The following CERK variants were observed in gnomAD, a reference collection of about 807,000 sequenced individuals.
The protein encoded by CERK is acylsphingosine kinase.
In CERK, 39 loss-of-function variants were observed where a neutral mutation model predicts 63.4. The ratio of observed to expected loss-of-function variants is 0.61; its 90% CI spans 0.48 to 0.80. The LOEUF is 0.80. CERK is among the 30% of genes least tolerant of loss of function. The probability of loss-of-function intolerance (pLI) is 0.00; values close to 1 mark genes in which losing one functional copy is unlikely to be tolerated. For missense variants in CERK, 670 were observed against 714.1 expected (o/e 0.94, Z 0.70); for synonymous variants, 302 against 280.0 (o/e 1.08, Z -0.78).
At chr22:46,733,609 A>G (rs536731080) in intron 1 of CERK, among the ~76,000 whole-genome samples, 2 of 151,074 alleles carry the variant, frequency 1.3e-5, no homozygotes, top group Non-Finnish European at 2.9e-5. Flanking sequence ...CTTTTTTTTT[A>G]AATTTATGAT....
intron 12 of CERK, among the ~76,000 whole-genome samples, chr22:46,687,971 C>A (rs801717): frequency 1.3e-5 from 2 of 152,140 alleles, no homozygotes; most frequent in South Asian, 2.1e-4. Flanking sequence ...TCCAGGCGGG[C>A]GGATCACCTG....
chr22:46,690,129 CT>C lies in CERK; in HGVS notation c.1403del (p.Glu468GlyfsTer83), dbSNP rs749852777. 5 of 1,614,090 alleles carry C rather than the reference CT, an allele frequency of 3.1e-6. No individual in the cohort carries two copies. ...TCCCCCCCTCCTTGAGGTCGCTGTCCTCATCCTCCATGTGCTTCGACGTAAA... is the reference window on the plus strand; with the variant it reads ...TCCCCCCCTCCTTGAGGTCGCTGTCCCATCCTCCATGTGCTTCGACGTAAA... ...FQFTSKHMED[E>X]DSDLKEGGKK... On this transcript the variant is annotated frameshift_variant, in exon 12 of 13. Transcript: ENST00000216264. LOFTEE classifies it high-confidence loss of function.
At chr22:46,727,132 G>A (rs773407258) in intron 1 of CERK, among the ~76,000 whole-genome samples, 23 of 152,150 alleles carry the variant, frequency 1.5e-4, no homozygotes, top group Non-Finnish European at 3.2e-4. Flanking sequence ...TTTTCTGACC[G>A]CACGGATGAT....
intron 1 of CERK, among the ~76,000 whole-genome samples, chr22:46,736,576 C>G (rs1268175407): frequency 6.6e-6 from 1 of 152,222 alleles, no homozygotes; most frequent in Non-Finnish European, 1.5e-5. Context: ...ACCCTTCGGG[C>G]CCAGGTCAGG....
intron 4 of CERK, 72 bp from the exon 5 acceptor site, chr22:46,711,221 A>C: frequency 1.7e-6 from 2 of 1,176,710 alleles, no homozygotes; most frequent in Non-Finnish European, 2.5e-6. Flanking sequence ...CAAATCATCC[A>C]TTCTTTTAAA....
intron 9 of CERK, among the ~76,000 whole-genome samples, chr22:46,694,532 G>A (rs9626894): frequency 0.019 from 2,893 of 152,084 alleles, 91 homozygotes; most frequent in African/African-American, 0.066. Flanking sequence ...CCCCGGTGGG[G>A]CGCCTCTTTC....
chr22:46,730,876 C>T (rs993208453), intron 1 of CERK, among the ~76,000 whole-genome samples: 6 of 152,196 alleles, frequency 3.9e-5, no homozygotes, highest in African/African-American at 1.4e-4. Flanking sequence ...CAGGTACAAA[C>T]GCAGAGCCCC....
Position 46,699,330 on chromosome 22 carries a change from G to A in CERK, c.926C>T (p.Ala309Val). Residue 309 changes from alanine (A) to valine (V), a missense_variant, in exon 8 of 13, where the codon GCC becomes GTC. Coordinates refer to ENST00000216264, the MANE Select transcript of CERK (RefSeq NM_022766.6). The stretch of plus-strand genomic sequence containing the variant: ...TGAGTTACCTGAAAAGTCGTATCTG[G>A]CAAGACCCAACCACCGTTTCTTCTC... Reference protein sequence around the residue: ...DSEKKRWLGLARYDFSGLKTF... With the variant: ...DSEKKRWLGLVRYDFSGLKTF... 1 of 1,614,130 alleles carries A rather than the reference G, an allele frequency of 6.2e-7. No homozygotes were observed. Among genetic ancestry groups the A allele is most frequent in the Non-Finnish European group, 8.5e-7 (1 of 1,180,008 alleles).
intron 5 of CERK, among the ~76,000 whole-genome samples, chr22:46,710,127 T>C (rs1345823596): frequency 6.6e-6 from 1 of 152,148 alleles, no homozygotes; most frequent in African/African-American, 2.4e-5. Context: ...AATAATATAC[T>C]ATAAGAAAGA....
At chr22:46,733,179 GC>G (rs1224704964) in intron 1 of CERK, among the ~76,000 whole-genome samples, 2 of 124,996 alleles carry the variant, frequency 1.6e-5, no homozygotes, top group Non-Finnish European at 3.2e-5. Flanking sequence ...CTGCACTCCA[GC>G]CCTGGGCGAC....
At chr22:46,724,989 C>G (rs914877546) in intron 1 of CERK, among the ~76,000 whole-genome samples, 2 of 151,910 alleles carry the variant, frequency 1.3e-5, no homozygotes, top group East Asian at 3.9e-4. Context: ...CCACTGCACT[C>G]CAGCCTGGGC....
chr22:46,703,032 A>G (rs2082795367), intron 6 of CERK, among the ~76,000 whole-genome samples: 1 of 152,122 alleles, frequency 6.6e-6, no homozygotes, highest in Non-Finnish European at 1.5e-5. Flanking sequence ...CATGCGCATC[A>G]TCTCCTTGAG....
At chr22:46,709,093 G>A (rs2082827785) in intron 5 of CERK, among the ~76,000 whole-genome samples, 1 of 152,216 alleles carries the variant, frequency 6.6e-6, no homozygotes. Context: ...CACCGGGGCA[G>A]CCTTCCCAGC....
chr22:46,716,487 G>A lies in CERK; in HGVS notation c.379+3599C>T, dbSNP rs983397580. Among the ~76,000 whole-genome samples the A allele has an allele frequency of 4.1e-5, 6 of 146,904 alleles. No individual in the cohort carries two copies. In the East Asian group the frequency reaches 6.0e-4, roughly 15 times the overall value. On this transcript the variant is annotated intron_variant, in intron 3 of 12. Transcript: ENST00000216264. Reference sequence around the variant, plus strand: ...ATTATAGGCGTGAGCCACCATGCCCGGCCAAGACCCCGTCTCTTAAAAAAA... The same window carrying A: ...ATTATAGGCGTGAGCCACCATGCCCAGCCAAGACCCCGTCTCTTAAAAAAA...
intron 9 of CERK, 84 bp from the exon 10 acceptor site, chr22:46,693,587 T>G: frequency 8.7e-7 from 1 of 1,143,904 alleles, no homozygotes. Flanking sequence ...TGTATTTACA[T>G]TCTTTTCACA....
Position 46,690,070 on chromosome 22 carries a change from G to C in CERK, c.1463C>G (p.Pro488Arg), listed in dbSNP as rs1399009137. 4 of 1,613,798 alleles carry C rather than the reference G, an allele frequency of 2.5e-6. No individual in the cohort carries two copies. Among genetic ancestry groups the C allele is most frequent in the Non-Finnish European group, 3.4e-6 (4 of 1,179,946 alleles). Residue 488 changes from proline to arginine, a missense_variant, in exon 12 of 13, where the codon CCC (proline) becomes CGC (arginine). Coordinates refer to ENST00000216264, the MANE Select transcript of CERK (RefSeq NM_022766.6). The stretch of plus-strand genomic sequence containing the variant: ...GTTGGAGACGGTGCAGCAGCAGGAG[G>C]GGTGGCTGCTGCAAATGTGCCCAAA... ...KRFGHICSSH[P>R]SCCCTVSNSS...
At chr22:46,716,922 G>A (rs1334756795) in intron 3 of CERK, among the ~76,000 whole-genome samples, 2 of 150,008 alleles carry the variant, frequency 1.3e-5, no homozygotes, top group Admixed American at 6.6e-5. Context: ...GCAACAGAGC[G>A]AGACTCTGTC....
In CERK at chr22:46,686,548, C is replaced by T. The variant is rs4823870; in HGVS notation, c.*586G>A. 0.071 allele frequency: 10,869 copies of T among 153,290 alleles called. 786 individuals are homozygous for T. The highest frequency in any genetic ancestry group is 0.18 in the African/African-American group (7,517 of 41,512). 9.5% of individuals were successfully genotyped at this position (153,290 alleles called of 1,614,324 possible). On this transcript the variant is annotated 3_prime_UTR_variant, in exon 13 of 13. Transcript: ENST00000216264. ...GTGGAGGCCCCAGCAGCCTTCCCGGCGCTGGCGTGGAGGCCCCTCCCGCGG... is the reference window on the plus strand; with the variant it reads ...GTGGAGGCCCCAGCAGCCTTCCCGGTGCTGGCGTGGAGGCCCCTCCCGCGG...
intron 11 of CERK, among the ~76,000 whole-genome samples, chr22:46,691,084 CAT>C (rs1555982637): frequency 1.2e-3 from 186 of 151,304 alleles, no homozygotes; most frequent in African/African-American, 4.0e-3. Flanking sequence ...CACACACACA[CAT>C]ATATTTGAGA....
Sources: gnomAD v4.1 joint callset for allele counts (sites outside exome capture counted in the v4.1 genomes callset) on GRCh38, gnomAD v4.1.1 for gene constraint, MANE v1.5 for transcripts, NCBI Gene and HGNC (gene_info 2026-07-23, HGNC 2026-07-21) for gene names.